Variants in MKS1 observed in about 807,000 individuals in gnomAD.
The protein encoded by MKS1 is tectonic-like complex member MKS1.
Under a neutral mutation model 83.7 loss-of-function variants are expected in MKS1, and 70 were observed. That is an observed-to-expected ratio of 0.84 (90% CI 0.69 to 1.02). MKS1 has a LOEUF of 1.02. MKS1 is among the 50% of genes least tolerant of loss of function. The pLI, the probability that MKS1 is intolerant of heterozygous loss-of-function variation, is 0.00. For synonymous variants in MKS1, 251 were observed against 273.4 expected (o/e 0.92, Z 0.81); for missense variants, 681 against 726.9 (o/e 0.94, Z 0.73).
At chr17:58,211,160 C>T in intron 9 of MKS1, 138 bp from the exon 10 acceptor site, 1 of 750,068 alleles carries the variant, frequency 1.3e-6, no homozygotes, top group Non-Finnish European at 2.4e-6. Context: ...TTTCTCCCCA[C>T]CCTGACACTT....
At chr17:58,218,341 G>A (rs1349897111) in intron 2 of MKS1, among the ~76,000 whole-genome samples, 11 of 151,006 alleles carry the variant, frequency 7.3e-5, no homozygotes, top group East Asian at 2.0e-4. Context: ...CCAGCTACTC[G>A]GGAGGCTGAG....
rs148725880 is a variant in MKS1, at chr17:58,218,385, T to A, written c.190+235A>T. Among the ~76,000 whole-genome samples, 1,111 of 136,506 alleles carry A rather than the reference T, an allele frequency of 8.1e-3. 15 individuals are homozygous for A. The highest frequency in any genetic ancestry group is 0.029 in the African/African-American group (1,050 of 35,834). The allele number at this position is 136,506 out of a possible 152,430, so 89.6% of individuals were successfully genotyped here. A position where few individuals can be genotyped will look rare whatever the true frequency, so the allele number is the denominator to read the frequency against. On this transcript the variant is annotated intron_variant, in intron 2 of 17. Transcript: ENST00000393119. ...ATCGCGTGAACCCGGGAGGCGGAGC[T>A]TGCAGTGAGCGGAGATAGCGACACT...
At position 58,212,421 on chromosome 17, in the gene MKS1, T is replaced by C; in HGVS notation, c.872A>G (p.His291Arg). The C allele has an allele frequency of 6.2e-7, 1 of 1,614,178 alleles. No individual in the cohort carries two copies. The highest frequency in any genetic ancestry group is 8.5e-7 in the Non-Finnish European group (1 of 1,180,030). The part of the protein sequence containing the change: ...RRVFKDLYGR[H>R]KEYLSSLVGT... ...TACGAGGCTGCTGAGATACTCCTTG[T>C]GCCGGCCATAAAGCTGAGGAAACAA... The change falls in exon 9 of 18, where the codon CAC (histidine) becomes CGC (arginine). Residue 291 changes from histidine (H) to arginine (R), a missense_variant. His to Arg is a conservative substitution (Grantham distance 29, BLOSUM62 0). This residue lies in a region of MKS1 where 365 missense variants were observed against 383.8 expected (regional missense o/e 0.95). Transcript: ENST00000393119.
intron 13 of MKS1, 37 bp from the exon 14 acceptor site, chr17:58,208,038 G>T (rs1486744293): frequency 6.2e-7 from 1 of 1,609,866 alleles, no homozygotes. Context: ...GTCACAGGCG[G>T]CCTTCACCAA....
chr17:58,214,222 A>G, intron 6 of MKS1, 37 bp downstream of exon 6: 1 of 1,613,992 alleles, frequency 6.2e-7, no homozygotes, highest in Non-Finnish European at 8.5e-7. Flanking sequence ...GGAGAAAAGG[A>G]TGAGGCTCTA....
intron 8 of MKS1, 100 bp from the exon 9 acceptor site, chr17:58,212,534 C>T: frequency 7.5e-7 from 1 of 1,339,580 alleles, no homozygotes; most frequent in Non-Finnish European, 1.1e-6. Context: ...GAAGGGTCAG[C>T]AAGAGCTGGA....
intron 6 of MKS1, among the ~76,000 whole-genome samples, 193 bp from the exon 7 acceptor site, chr17:58,214,062 G>A (rs1969042420): frequency 1.3e-5 from 2 of 152,162 alleles, no homozygotes; most frequent in Admixed American, 1.3e-4. Context: ...GATGATAACA[G>A]GAAGGGGATA....
chr17:58,206,603 A>G, intron 15 of MKS1, 56 bp from the exon 16 acceptor site: 1 of 1,516,648 alleles, frequency 6.6e-7, no homozygotes, highest in Admixed American at 1.7e-5. Context: ...ACACCCCCGC[A>G]CCATGCTGGC....
intron 15 of MKS1, 109 bp from the exon 16 acceptor site, chr17:58,206,656 G>T: frequency 8.9e-7 from 1 of 1,128,174 alleles, no homozygotes; most frequent in Non-Finnish European, 1.3e-6. Flanking sequence ...GCGCAGTTCT[G>T]TTGGGGAAAC....
At position 58,208,142 on chromosome 17, in the gene MKS1, C is replaced by A. The variant is rs369141016; in HGVS notation, c.1128G>T (p.Thr376=). The A allele has an allele frequency of 6.2e-7, 1 of 1,613,738 alleles. No individual in the cohort carries two copies. The highest frequency in any genetic ancestry group is 1.7e-5 in the Admixed American group (1 of 60,002). ...DKVAHFSYPF[T]FEAFFLHEDE... ...CCTCATGGAGGAAGAAGGCTTCAAA[C>A]GTGAATGGGTAGGAGAAGTGAGCCA... The change falls in exon 13 of 18, where the codon ACG becomes ACT. Residue 376 remains threonine, a synonymous_variant. Transcript: ENST00000393119.
chr17:58,218,910 C>G, intron 1 of MKS1, 181 bp from the exon 2 acceptor site: 1 of 821,898 alleles, frequency 1.2e-6, no homozygotes, highest in Non-Finnish European at 2.0e-6. Flanking sequence ...AGAGGGTGTA[C>G]TGGGGGCACA....
At position 58,219,184 on chromosome 17, in the gene MKS1, C is replaced by A; in HGVS notation, c.47G>T (p.Arg16Leu). Residue 16 changes from arginine (R) to leucine (L), a missense_variant, in exon 1 of 18, where the codon CGC becomes CTC. By Grantham distance (102) the Arg-to-Leu change is moderately radical (BLOSUM62 -2). Coordinates refer to ENST00000393119, the MANE Select transcript of MKS1 (RefSeq NM_017777.4). Reference protein sequence around the residue: ...WSTDTGEAVYRSRDPVRNLRL... With the variant: ...WSTDTGEAVYLSRDPVRNLRL... ...CAAGTTGCGCACGGGGTCCCGGGAGCGATACACTGCCTCCCCGGTGTCAGT... is the reference window on the plus strand; with the variant it reads ...CAAGTTGCGCACGGGGTCCCGGGAGAGATACACTGCCTCCCCGGTGTCAGT... 6.4e-7 allele frequency: 1 copy of A among 1,551,226 alleles called. No homozygotes were observed. Among genetic ancestry groups the A allele is most frequent in the Non-Finnish European group, 8.7e-7 (1 of 1,147,000 alleles).
intron 4 of MKS1, among the ~76,000 whole-genome samples, chr17:58,215,440 C>T (rs896395998): frequency 1.3e-5 from 2 of 152,082 alleles, no homozygotes; most frequent in Admixed American, 6.6e-5. Flanking sequence ...TATCAATCCA[C>T]AGCTCTAATA....
chr17:58,214,749 C>A lies in MKS1; in HGVS notation c.507G>T (p.Arg169Ser). 6.2e-7 allele frequency: 1 copy of A among 1,606,236 alleles called. No individual in the cohort carries two copies. The highest frequency in any genetic ancestry group is 8.5e-7 in the Non-Finnish European group (1 of 1,179,752). ...CCCATGCCCGCACTCACATCCCTCG[C>A]CTGTCCTGCCGGCGACGCCTGACAT... ...MANVRRRRQD[R>S]RGMEGGILKS... is the part of the protein sequence containing the mutation. The change falls in exon 5 of 18, where the codon AGG becomes AGT. Residue 169 changes from arginine to serine, a missense_variant. This residue lies in a region of MKS1 where 365 missense variants were observed against 383.8 expected (regional missense o/e 0.95). Transcript: ENST00000393119.
chr17:58,208,224 T>C, intron 12 of MKS1, 50 bp from the exon 13 acceptor site: 1 of 1,487,470 alleles, frequency 6.7e-7, no homozygotes, highest in Non-Finnish European at 9.4e-7. Flanking sequence ...TGGAATCTGT[T>C]CTCCTTGTGG....
Position 58,214,364 on chromosome 17 carries a change from C to T in MKS1, c.539G>A (p.Arg180His), listed in dbSNP as rs145764409. 8.7e-6 allele frequency: 14 copies of T among 1,613,436 alleles called. No homozygotes were observed. Among genetic ancestry groups the T allele is most frequent in the Admixed American group, 3.3e-5 (2 of 60,000 alleles). The change falls in exon 6 of 18, where the codon CGC (arginine) becomes CAC (histidine). Residue 180 changes from arginine (R) to histidine (H), a missense_variant. Arg to His is a conservative substitution (Grantham distance 29, BLOSUM62 0). This residue lies in a region of MKS1 where 365 missense variants were observed against 383.8 expected (regional missense o/e 0.95). Coordinates refer to ENST00000393119, the MANE Select transcript of MKS1 (RefSeq NM_017777.4). ...RGMEGGILKS[R>H]IVTWEPSEEF... Reference sequence around the variant, plus strand: ...TTCTGAGGGCTCCCAGGTGACGATGCGTGACTTGAGGATGCCGCCCTCCCT... The same window carrying T: ...TTCTGAGGGCTCCCAGGTGACGATGTGTGACTTGAGGATGCCGCCCTCCCT...
At chr17:58,213,128 A>C in intron 7 of MKS1, 38 bp from the exon 8 acceptor site, 2 of 1,585,254 alleles carry the variant, frequency 1.3e-6, no homozygotes, top group Non-Finnish European at 1.7e-6. Context: ...CAACTCTAAT[A>C]ATGAGAGATG....
intron 5 of MKS1, 82 bp from the exon 6 acceptor site, chr17:58,214,469 T>C: frequency 6.2e-7 from 1 of 1,600,614 alleles, no homozygotes; most frequent in Admixed American, 1.7e-5. Context: ...GAATGGGAAG[T>C]TTGAGCTAGT....
intron 15 of MKS1, 70 bp from the exon 16 acceptor site, chr17:58,206,617 A>T (rs1597976159): frequency 1.4e-6 from 2 of 1,430,318 alleles, no homozygotes; most frequent in Non-Finnish European, 1.9e-6. Flanking sequence ...TGCTGGCCTC[A>T]CCCCCATTCT....
Sources: gnomAD v4.1 joint callset for allele counts (sites outside exome capture counted in the v4.1 genomes callset) on GRCh38, gnomAD v4.1.1 for gene constraint, gnomAD v4.1.1 regional missense constraint, MANE v1.5 for transcripts, NCBI Gene and HGNC (gene_info 2026-07-23, HGNC 2026-07-21) for gene names.